MORC1: variants seen among roughly 807,000 people sequenced by gnomAD.
MORC1 encodes MORC family CW-type zinc finger protein 1.
MORC1 carries 59 observed loss-of-function variants against 134.9 expected under a neutral mutation model. That is an observed-to-expected ratio of 0.44 (90% CI 0.35 to 0.54). The LOEUF (loss-of-function observed/expected upper bound fraction) is 0.54. Ranked by LOEUF, MORC1 falls within the 20% of genes least tolerant of loss-of-function variation. The pLI, the probability that MORC1 is intolerant of heterozygous loss-of-function variation, is 0.00. For missense variants in MORC1, 947 were observed against 1,134.5 expected (o/e 0.83, Z 2.37); for synonymous variants, 395 against 391.7 (o/e 1.01, Z -0.10).
chr3:108,999,618 T>A (rs1437959272), intron 21 of MORC1, among the ~76,000 whole-genome samples: 1 of 152,146 alleles, frequency 6.6e-6, no homozygotes, highest in Non-Finnish European at 1.5e-5. Flanking sequence ...TATATAGCAT[T>A]TTGAGGGACC....
intron 3 of MORC1, among the ~76,000 whole-genome samples, chr3:109,106,725 T>G (rs1951047497): frequency 6.6e-6 from 1 of 152,114 alleles, no homozygotes; most frequent in African/African-American, 2.4e-5. Context: ...TGACTCCCAT[T>G]TGACCACTTT....
intron 7 of MORC1, among the ~76,000 whole-genome samples, chr3:109,094,331 A>G (rs1378033724): frequency 1.3e-5 from 2 of 152,202 alleles, no homozygotes; most frequent in East Asian, 3.8e-4. Flanking sequence ...TCTTAAACAC[A>G]AGGGAGAATA....
intron 20 of MORC1, among the ~76,000 whole-genome samples, chr3:109,003,276 T>TATAC (rs1948452291): frequency 6.6e-6 from 1 of 151,482 alleles, no homozygotes; most frequent in South Asian, 2.1e-4. Context: ...TATATATATA[T>TATAC]ACACACACAG....
chr3:109,059,020 T>C (rs1950022627), intron 12 of MORC1, among the ~76,000 whole-genome samples: 1 of 152,160 alleles, frequency 6.6e-6, no homozygotes, highest in African/African-American at 2.4e-5. Flanking sequence ...CTATGACATT[T>C]ATTTACATTT....
intron 14 of MORC1, among the ~76,000 whole-genome samples, chr3:109,044,420 T>C (rs1319758462): frequency 6.6e-6 from 1 of 151,808 alleles, no homozygotes; most frequent in African/African-American, 2.4e-5. Flanking sequence ...TAGCCAGGCA[T>C]GGTGGCGGGC....
At chr3:109,049,093 T>A in intron 14 of MORC1, 1 of 960,992 alleles carries the variant, frequency 1.0e-6, no homozygotes, top group South Asian at 4.8e-5. Flanking sequence ...TAAACTTGTC[T>A]CATATTCTCA....
chr3:109,007,001 ATTGC>A (rs5851630), intron 18 of MORC1, 24 bp downstream of exon 18: 636,059 of 1,568,328 alleles, frequency 0.41, 133,980 homozygotes, highest in Middle Eastern at 0.56. Context: ...CATGACACAA[ATTGC>A]TTAATCCTAT....
intron 21 of MORC1, among the ~76,000 whole-genome samples, chr3:108,996,657 T>C (rs577880267): frequency 1.5e-3 from 232 of 152,280 alleles, no homozygotes; most frequent in African/African-American, 5.5e-3. Context: ...GCTCATTGCA[T>C]GGACTTTGAA....
rs147438079 is a variant in MORC1 at position 109,009,959 on chromosome 3, A to G, written c.1705-2868T>C. ...TGTCTCCTTCTTACTGCTATCATTCATGATCATTTTCTGTGTAACTAATTG... is the reference window on the plus strand; with the variant it reads ...TGTCTCCTTCTTACTGCTATCATTCGTGATCATTTTCTGTGTAACTAATTG... On this transcript the variant is annotated intron_variant, in intron 17 of 27. Transcript: ENST00000232603. Among the ~76,000 whole-genome samples, 697 of 152,268 alleles carry G rather than the reference A, an allele frequency of 4.6e-3. 17 individuals are homozygous for G. The highest frequency in any genetic ancestry group is 0.043 in the Admixed American group (654 of 15,284).
chr3:108,979,365 T>C (rs928782839), intron 24 of MORC1, 150 bp downstream of exon 24: 7 of 859,680 alleles, frequency 8.1e-6, no homozygotes, highest in Non-Finnish European at 5.4e-6. Context: ...CCATAGTATA[T>C]CTAAATCAGC....
chr3:109,055,614 C>T (rs1320152166), intron 13 of MORC1, among the ~76,000 whole-genome samples: 1 of 152,192 alleles, frequency 6.6e-6, no homozygotes, highest in Non-Finnish European at 1.5e-5. Context: ...CTCCAGTTTG[C>T]TCTACTGCCC....
chr3:109,046,136 G>A (rs1280617571), intron 14 of MORC1, among the ~76,000 whole-genome samples: 2 of 152,032 alleles, frequency 1.3e-5, no homozygotes. Context: ...GAGGCATAAC[G>A]CCATCTTAGA....
At chr3:109,117,449 C>G (rs1951297817) in intron 1 of MORC1, among the ~76,000 whole-genome samples, 1 of 151,964 alleles carries the variant, frequency 6.6e-6, no homozygotes, top group South Asian at 2.1e-4. Context: ...GAGAAAAAAC[C>G]TCTGTCATTC....
At chr3:109,082,204 G>T (rs1256562133) in intron 8 of MORC1, among the ~76,000 whole-genome samples, 1 of 151,230 alleles carries the variant, frequency 6.6e-6, no homozygotes, top group African/African-American at 2.4e-5. Flanking sequence ...CTGGGTTATA[G>T]CACCACCTAG....
chr3:108,966,390 C>T (rs1206636337), intron 26 of MORC1, among the ~76,000 whole-genome samples: 1 of 152,088 alleles, frequency 6.6e-6, no homozygotes, highest in Non-Finnish European at 1.5e-5. Flanking sequence ...TTGTACCATA[C>T]AAACAGGAAT....
At chr3:109,080,474 T>C (rs1433076488) in intron 8 of MORC1, among the ~76,000 whole-genome samples, 1 of 152,170 alleles carries the variant, frequency 6.6e-6, no homozygotes, top group African/African-American at 2.4e-5. Flanking sequence ...ACTATCACCA[T>C]AATAATACAG....
intron 3 of MORC1, among the ~76,000 whole-genome samples, chr3:109,108,995 T>C (rs2107798294): frequency 6.6e-6 from 1 of 152,130 alleles, no homozygotes; most frequent in South Asian, 2.1e-4. Flanking sequence ...AACCTTGGTA[T>C]GGTATTGAAG....
intron 21 of MORC1, among the ~76,000 whole-genome samples, chr3:108,990,542 T>C (rs904605963): frequency 3.9e-5 from 6 of 152,218 alleles, no homozygotes; most frequent in African/African-American, 1.4e-4. Context: ...CTCCTGTTCA[T>C]CACATGCAAC....
At chr3:109,022,671 A>G (rs151334510) in intron 17 of MORC1, among the ~76,000 whole-genome samples, 182 of 152,342 alleles carry the variant, frequency 1.2e-3, no homozygotes, top group African/African-American at 4.0e-3. Context: ...CTTCAGTAAT[A>G]TATGCAGAAG....
Sources: gnomAD v4.1 joint callset for allele counts (sites outside exome capture counted in the v4.1 genomes callset) on GRCh38, gnomAD v4.1.1 for gene constraint, MANE v1.5 for transcripts, NCBI Gene and HGNC (gene_info 2026-07-23, HGNC 2026-07-21) for gene names.